Variants in CHN2 observed in about 807,000 individuals in gnomAD.
CHN2 encodes the protein chimerin 2.
A neutral mutation model predicts 56.3 loss-of-function variants in CHN2; 35 were observed. The ratio of observed to expected loss-of-function variants is 0.62; its 90% CI spans 0.47 to 0.82. CHN2 has a LOEUF of 0.82. CHN2 is among the 40% of genes least tolerant of loss of function. CHN2 has a pLI of 0.00. For synonymous variants in CHN2, 210 were observed against 212.8 expected (o/e 0.99, Z 0.12); for missense variants, 491 against 580.5 (o/e 0.85, Z 1.58).
chr7:29,303,850 A>G (rs181984431), intron 1 of CHN2, among the ~76,000 whole-genome samples: 1,595 of 152,344 alleles, frequency 0.01, 22 homozygotes, highest in Middle Eastern at 0.02. Flanking sequence ...ACCTGAGGTC[A>G]GGAGTTTGAG....
chr7:29,434,649 TCTTAA>T (rs1783092579), intron 6 of CHN2, among the ~76,000 whole-genome samples: 2 of 152,216 alleles, frequency 1.3e-5, no homozygotes, highest in Admixed American at 6.5e-5. Flanking sequence ...TATGACCTCA[TCTTAA>T]CTTTATTACA....
intron 7 of CHN2, among the ~76,000 whole-genome samples, chr7:29,488,113 G>A (rs189294388): frequency 6.6e-5 from 10 of 152,142 alleles, no homozygotes; most frequent in Non-Finnish European, 8.8e-5. Flanking sequence ...TGTGGTGCCC[G>A]GTTTGAGAAA....
chr7:29,499,840 A>G (rs748604488), intron 8 of CHN2, 27 bp from the exon 9 acceptor site: 22 of 1,536,858 alleles, frequency 1.4e-5, no homozygotes, highest in Non-Finnish European at 1.8e-5. Context: ...GGGCTGGGCT[A>G]GGCTAATGTG....
chr7:29,188,360 T>C (rs1295743766), intron 2 of CHN2, among the ~76,000 whole-genome samples: 1 of 152,218 alleles, frequency 6.6e-6, no homozygotes, highest in Non-Finnish European at 1.5e-5. Flanking sequence ...CCAGGTCTTT[T>C]TGACTCCATA....
intron 1 of CHN2, among the ~76,000 whole-genome samples, chr7:29,344,528 A>G (rs1472562712): frequency 2.6e-5 from 4 of 152,038 alleles, no homozygotes; most frequent in Non-Finnish European, 5.9e-5. Context: ...TCTCAGTGCC[A>G]TGTCCTGTCT....
At chr7:29,219,107 C>T (rs556299565) in intron 1 of CHN2, among the ~76,000 whole-genome samples, 6 of 152,228 alleles carry the variant, frequency 3.9e-5, no homozygotes, top group Admixed American at 2.6e-4. Context: ...GTTTTGAAAC[C>T]GCAGTGGCCC....
intron 6 of CHN2, among the ~76,000 whole-genome samples, chr7:29,467,410 G>C (rs940558765): frequency 3.3e-5 from 5 of 152,174 alleles, no homozygotes; most frequent in Admixed American, 2.6e-4. Flanking sequence ...CATGGATATG[G>C]ATCAGATCTG....
At chr7:29,217,533 G>A (rs904735839) in intron 1 of CHN2, among the ~76,000 whole-genome samples, 6 of 152,114 alleles carry the variant, frequency 3.9e-5, no homozygotes, top group East Asian at 1.9e-4. Context: ...AGTTTATGAC[G>A]TATCAAATAT....
At chr7:29,242,736 T>C (rs183565449) in intron 1 of CHN2, among the ~76,000 whole-genome samples, 4 of 68,064 alleles carry the variant, frequency 5.9e-5, no homozygotes, top group African/African-American at 1.8e-4. Context: ...TCTGGAAAAA[T>C]ATACAGAACT....
At chr7:29,344,089 T>A (rs985172653) in intron 1 of CHN2, among the ~76,000 whole-genome samples, 3 of 152,204 alleles carry the variant, frequency 2.0e-5, no homozygotes, top group African/African-American at 7.2e-5. Context: ...CCTGTCCATG[T>A]CCAGCTTGTC....
At position 29,195,623 on chromosome 7, in the gene CHN2, AGAGAGAGTGT is replaced by A. The variant is rs1177739203; in HGVS notation, c.49+635_49+644del. The stretch of plus-strand genomic sequence containing the variant: ...GAGAGAGAGAGAGAGAGAGAGAGAG[AGAGAGAGTGT>A]GTGTGTGTGTGTGTGTGAGAGAGAG... On this transcript the variant is annotated intron_variant, in intron 1 of 12. Coordinates refer to ENST00000222792, the MANE Select transcript of CHN2 (RefSeq NM_004067.4). 2.7e-4 allele frequency among the ~76,000 whole-genome samples: 35 copies of A among 128,180 alleles called. No individual in the cohort carries two copies. In the East Asian group the frequency reaches 9.5e-3, roughly 35 times the overall value. 84.1% of individuals were successfully genotyped at this position (128,180 alleles called of 152,430 possible).
chr7:29,499,799 A>G, intron 8 of CHN2, 68 bp from the exon 9 acceptor site: 2 of 1,406,576 alleles, frequency 1.4e-6, no homozygotes, highest in Non-Finnish European at 1.9e-6. Context: ...TATTTTTGGC[A>G]ACATATAATT....
Position 29,507,358 on chromosome 7 carries a change from T to G in CHN2, c.1122T>G (p.Asp374Glu). ...ATGATACCTATTCCAAATTTATAGA[T>G]GCAGCAAGTAAGTACTTCAAATTAA... ...ITYDTYSKFI[D>E]AAKISNADER... The change falls in exon 11 of 13, where the codon GAT (aspartate) becomes GAG (glutamate). Residue 374 changes from aspartate (D) to glutamate (E), a missense_variant. Asp to Glu is a conservative substitution (Grantham distance 45, BLOSUM62 2). Coordinates refer to ENST00000222792, the MANE Select transcript of CHN2 (RefSeq NM_004067.4). 6.2e-7 allele frequency: 1 copy of G among 1,604,368 alleles called. No individual in the cohort carries two copies. Among genetic ancestry groups the G allele is most frequent in the East Asian group, 2.2e-5 (1 of 44,762 alleles).
intron 6 of CHN2, among the ~76,000 whole-genome samples, chr7:29,423,765 CT>C (rs1804575148): frequency 1.3e-5 from 2 of 152,234 alleles, no homozygotes; most frequent in South Asian, 4.1e-4. Context: ...TCCCCCTGGG[CT>C]TACGTCTCCT....
At chr7:29,469,042 A>G (rs1441248348) in intron 6 of CHN2, among the ~76,000 whole-genome samples, 1 of 151,636 alleles carries the variant, frequency 6.6e-6, no homozygotes, top group Non-Finnish European at 1.5e-5. Context: ...CTTCTCTTTC[A>G]CTCTTGCTCC....
At chr7:29,391,146 G>A (rs555457966) in intron 3 of CHN2, among the ~76,000 whole-genome samples, 1 of 152,074 alleles carries the variant, frequency 6.6e-6, no homozygotes. Flanking sequence ...AGGAGAGATT[G>A]GATTGCTATC....
At chr7:29,378,947 G>A (rs1319066651) in intron 3 of CHN2, among the ~76,000 whole-genome samples, 1 of 152,228 alleles carries the variant, frequency 6.6e-6, no homozygotes, top group Admixed American at 6.5e-5. Context: ...CCTGGAGACA[G>A]AGCGAGACTC....
At chr7:29,452,327 A>C (rs1301380938) in intron 6 of CHN2, among the ~76,000 whole-genome samples, 1 of 152,126 alleles carries the variant, frequency 6.6e-6, no homozygotes. Flanking sequence ...GGGTGAAGGA[A>C]GGGAAGGGTC....
intron 1 of CHN2, among the ~76,000 whole-genome samples, chr7:29,270,246 A>G (rs1392104693): frequency 1.3e-5 from 2 of 152,284 alleles, no homozygotes; most frequent in Non-Finnish European, 1.5e-5. Context: ...CAGTCCCCAC[A>G]GTTGAACCTG....
Sources: gnomAD v4.1 joint callset for allele counts (sites outside exome capture counted in the v4.1 genomes callset) on GRCh38, gnomAD v4.1.1 for gene constraint, MANE v1.5 for transcripts, NCBI Gene and HGNC (gene_info 2026-07-23, HGNC 2026-07-21) for gene names.